CADM2: variants seen among roughly 807,000 people sequenced by gnomAD.
CADM2 encodes the protein cell adhesion molecule 2, also known as immunoglobulin superfamily member 4D.
A neutral mutation model predicts 49.8 loss-of-function variants in CADM2; 12 were observed. The ratio of observed to expected loss-of-function variants is 0.24; its 90% CI spans 0.15 to 0.39. The LOEUF (loss-of-function observed/expected upper bound fraction) is 0.39, where lower values mean the gene tolerates loss of function less well. CADM2 is among the 10% of genes least tolerant of loss of function. The probability of loss-of-function intolerance (pLI) is 1.00; values close to 1 mark genes in which losing one functional copy is unlikely to be tolerated. For synonymous variants in CADM2, 214 were observed against 175.4 expected, an observed-to-expected ratio of 1.22 and a Z score of -1.74; for missense variants, 378 against 492.3, an observed-to-expected ratio of 0.77 and a Z score of 2.20.
At chr3:85,297,898 A>G (rs72921304) in intron 1 of CADM2, among the ~76,000 whole-genome samples, 11,149 of 152,082 alleles carry the variant, frequency 0.073, 1,358 homozygotes, top group African/African-American at 0.25. Context: ...ACAAACCACT[A>G]GACTATAGGA....
intron 1 of CADM2, among the ~76,000 whole-genome samples, chr3:85,444,616 C>T (rs989052073): frequency 2.3e-4 from 34 of 150,868 alleles, no homozygotes; most frequent in Non-Finnish European, 1.0e-4. Flanking sequence ...TTTGCTGTTC[C>T]CAACCCCCAT....
At chr3:84,976,853 C>G (rs560412368) in intron 1 of CADM2, among the ~76,000 whole-genome samples, 8 of 151,948 alleles carry the variant, frequency 5.3e-5, no homozygotes, top group African/African-American at 1.9e-4. Flanking sequence ...CAAATGCACC[C>G]TTGGAAACTT....
intron 2 of CADM2, among the ~76,000 whole-genome samples, chr3:85,779,156 AT>A (rs574272803): frequency 1.4e-3 from 206 of 152,062 alleles, no homozygotes; most frequent in Non-Finnish European, 2.4e-3. Context: ...TATGGGGCAT[AT>A]TTTTGGTCAA....
At chr3:85,348,002 T>A (rs1355947278) in intron 1 of CADM2, among the ~76,000 whole-genome samples, 1 of 152,020 alleles carries the variant, frequency 6.6e-6, no homozygotes, top group Non-Finnish European at 1.5e-5. Context: ...AGAGACAGGT[T>A]TTCGCCATGA....
At chr3:85,014,344 GTTTTA>G (rs1196112727) in intron 1 of CADM2, among the ~76,000 whole-genome samples, 1 of 151,456 alleles carries the variant, frequency 6.6e-6, no homozygotes, top group Admixed American at 6.6e-5. Context: ...TGTTATAATT[GTTTTA>G]TTTTATTATT....
At chr3:85,515,311 A>G (rs1311909486) in intron 1 of CADM2, among the ~76,000 whole-genome samples, 1 of 152,110 alleles carries the variant, frequency 6.6e-6, no homozygotes. Flanking sequence ...TAACATCGCC[A>G]TTAGATTTTC....
intron 1 of CADM2, among the ~76,000 whole-genome samples, chr3:85,212,896 C>CTTTCTTTCTTTCTTTCTTTCTTTT (rs1559723958): frequency 8.5e-6 from 1 of 117,900 alleles, no homozygotes; most frequent in African/African-American, 4.3e-5. Flanking sequence ...CTCTTTCTTT[C>CTTTCTTTCTTTCTTTCTTTCTTTT]TTTTAATGGA....
intron 1 of CADM2, among the ~76,000 whole-genome samples, chr3:85,544,102 A>G (rs933365002): frequency 6.6e-6 from 1 of 152,210 alleles, no homozygotes; most frequent in African/African-American, 2.4e-5. Flanking sequence ...AATTTTTAAG[A>G]AAAAACTAAT....
intron 1 of CADM2, among the ~76,000 whole-genome samples, chr3:85,306,869 A>T (rs2044224271): frequency 6.6e-6 from 1 of 151,750 alleles, no homozygotes; most frequent in Non-Finnish European, 1.5e-5. Context: ...AATGCAGCTT[A>T]ATTTTTTTGC....
intron 1 of CADM2, among the ~76,000 whole-genome samples, chr3:85,095,230 A>C (rs960193978): frequency 6.6e-6 from 1 of 152,162 alleles, no homozygotes; most frequent in African/African-American, 2.4e-5. Flanking sequence ...GTGCATACAC[A>C]ACAAAATTTT....
intron 1 of CADM2, among the ~76,000 whole-genome samples, chr3:85,561,459 T>G (rs1218841653): frequency 6.6e-6 from 1 of 152,216 alleles, no homozygotes; most frequent in Non-Finnish European, 1.5e-5. Flanking sequence ...TAATGCCATA[T>G]CATAAAAGTT....
At position 85,976,136 on chromosome 3, in the gene CADM2, A is replaced by G. The variant is rs559013604; in HGVS notation, c.970+14489A>G. Among the ~76,000 whole-genome samples the G allele has an allele frequency of 5.9e-5, 9 of 151,790 alleles. No individual in the cohort carries two copies. In the South Asian group the frequency reaches 1.9e-3, roughly 31 times the overall value. On this transcript the variant is annotated intron_variant, in intron 8 of 9. Transcript: ENST00000383699. ...TATATAATTTCTCTGCGTATGAATT[A>G]GTATTTTTCAATATTGGGGAATATT...
intron 1 of CADM2, among the ~76,000 whole-genome samples, chr3:85,616,708 G>T (rs1391663814): frequency 6.6e-6 from 1 of 152,120 alleles, no homozygotes; most frequent in African/African-American, 2.4e-5. Flanking sequence ...ATAGCAAGTT[G>T]TGTGTCATTT....
At chr3:86,058,036 A>G (rs1738199939) in intron 8 of CADM2, among the ~76,000 whole-genome samples, 1 of 152,198 alleles carries the variant, frequency 6.6e-6, no homozygotes, top group East Asian at 1.9e-4. Context: ...TACGTACTTT[A>G]CATACATTGA....
In CADM2 at chr3:84,959,052, G is replaced by T; in HGVS notation, c.-556G>T. 1 of 200,554 alleles carries T rather than the reference G, an allele frequency of 5.0e-6. No individual in the cohort carries two copies. The highest frequency in any genetic ancestry group is 9.9e-6 in the Non-Finnish European group (1 of 100,778). The allele number at this position is 200,554 out of a possible 1,614,324, so 12.4% of individuals were successfully genotyped here. ...GCCGCCGCTGCAGCCGGAGCATCCG[G>T]GAGCCGCCACTGCCGCCGCCGCTGC... On this transcript the variant is annotated 5_prime_UTR_variant, in exon 1 of 10. Transcript: ENST00000383699.
intron 3 of CADM2, among the ~76,000 whole-genome samples, chr3:85,842,204 T>A (rs1006956995): frequency 6.6e-6 from 1 of 152,098 alleles, no homozygotes; most frequent in African/African-American, 2.4e-5. Context: ...GAAAATCTGT[T>A]CTGCGAGGTC....
intron 8 of CADM2, among the ~76,000 whole-genome samples, chr3:86,059,095 CAAAAAA>C (rs10712762): frequency 7.8e-6 from 1 of 128,594 alleles, no homozygotes; most frequent in Admixed American, 8.1e-5. Flanking sequence ...CTCCATCTTA[CAAAAAA>C]AAAAAAAAAA....
chr3:85,001,185 G>A (rs2107215665), intron 1 of CADM2, among the ~76,000 whole-genome samples: 1 of 151,912 alleles, frequency 6.6e-6, no homozygotes, highest in South Asian at 2.1e-4. Context: ...CATCCTCTCT[G>A]TCCCTTTCTC....
At chr3:85,134,466 A>G (rs1216699200) in intron 1 of CADM2, among the ~76,000 whole-genome samples, 1 of 152,242 alleles carries the variant, frequency 6.6e-6, no homozygotes, top group African/African-American at 2.4e-5. Context: ...GATGTTTGCT[A>G]CATAAATCAT....
Sources: allele counts gnomAD v4.1 joint callset (sites outside exome capture counted in the v4.1 genomes callset), GRCh38; gene constraint gnomAD v4.1.1; transcripts MANE v1.5; gene names NCBI Gene and HGNC (gene_info 2026-07-23, HGNC 2026-07-21).